The following UMODL1 variants were observed in gnomAD, a reference collection of about 807,000 sequenced individuals.
UMODL1 encodes uromodulin like 1.
In UMODL1, 128 loss-of-function variants were observed where a neutral mutation model predicts 136.3. The ratio of observed to expected loss-of-function variants is 0.94; its 90% CI spans 0.81 to 1.09. UMODL1 has a LOEUF of 1.09. UMODL1 is among the 50% of genes least tolerant of loss of function. The pLI is 0.00. For missense variants in UMODL1, 1,766 were observed against 1,725.6 expected (o/e 1.02, Z -0.41); for synonymous variants, 721 against 720.0 (o/e 1.00, Z -0.02).
upstream of UMODL1, among the ~76,000 whole-genome samples, chr21:42,066,494 C>T (rs112300879): frequency 0.038 from 5,719 of 152,264 alleles, 289 homozygotes; most frequent in African/African-American, 0.12. Flanking sequence ...CCATGTTGAC[C>T]AGGCTGGTCT....
chr21:42,119,648 C>CT (rs1270305754), intron 15 of UMODL1, among the ~76,000 whole-genome samples: 14 of 152,146 alleles, frequency 9.2e-5, no homozygotes, highest in Admixed American at 7.2e-4. Flanking sequence ...CAGCCAGACT[C>CT]TCCCCCAAGC....
chr21:42,068,415 G>A (rs952087231), upstream of UMODL1, among the ~76,000 whole-genome samples: 10 of 152,174 alleles, frequency 6.6e-5, no homozygotes, highest in African/African-American at 2.4e-4. The surrounding 1 kb of genome is among the most constrained non-coding windows in gnomAD (Gnocchi z 5.5). Context: ...CACCGCCGCT[G>A]TCAGAGAGCC....
intron 19 of UMODL1, 125 bp from the exon 20 acceptor site, chr21:42,127,547 C>T: frequency 3.3e-6 from 4 of 1,199,712 alleles, no homozygotes; most frequent in South Asian, 1.6e-5. Flanking sequence ...GTGCCCGGTC[C>T]TCGACTTCCA....
Position 42,137,625 on chromosome 21 carries a change from C to G in UMODL1, c.*5C>G. On this transcript the variant is annotated 3_prime_UTR_variant, in exon 22 of 23. Coordinates refer to ENST00000408910, the MANE Select transcript of UMODL1 (RefSeq NM_001004416.3). ...TACCAGGTGTTCTACGAATAGGAGG[C>G]GCAGGCTGACAGGAAGGTGGGTGCG... The G allele has an allele frequency of 6.2e-7, 1 of 1,602,668 alleles. No individual in the cohort carries two copies. Among genetic ancestry groups the G allele is most frequent in the Non-Finnish European group, 8.5e-7 (1 of 1,174,236 alleles).
chr21:42,103,875 G>A lies in UMODL1; in HGVS notation c.1307G>A (p.Ser436Asn), dbSNP rs1183069359. 14 of 1,614,070 alleles carry A rather than the reference G, an allele frequency of 8.7e-6. No homozygotes were observed. The highest frequency in any genetic ancestry group is 1.1e-5 in the Non-Finnish European group (13 of 1,180,042). ...TTGCCTCTTCTTGGCTAGGTCGAGA[G>A]CTCCTTCCCACCAGTGGTGTCTGAC... ...FSRQLLHEVE[S>N]SFPPVVSDLY... Residue 436 changes from serine (S) to asparagine (N), a missense_variant, in exon 9 of 23, where the codon AGC becomes AAC. Ser to Asn is a conservative substitution (Grantham distance 46, BLOSUM62 1). Transcript: ENST00000408910.
chr21:42,109,448 T>G, intron 9 of UMODL1, 114 bp from the exon 10 acceptor site: 1 of 1,464,532 alleles, frequency 6.8e-7, no homozygotes, highest in Non-Finnish European at 9.3e-7. Context: ...ATGCCCCTGC[T>G]CCCGGCCGTT....
intron 2 of UMODL1, among the ~76,000 whole-genome samples, chr21:42,080,690 G>A (rs1024436092): frequency 2.0e-5 from 3 of 152,222 alleles, no homozygotes; most frequent in African/African-American, 7.2e-5. Flanking sequence ...ACAGGAGGAG[G>A]AAACGATCCC....
Position 42,115,879 on chromosome 21 carries a change from G to T in UMODL1, c.2369G>T (p.Arg790Leu). Residue 790 changes from arginine (R) to leucine (L), a missense_variant, in exon 14 of 23, where the codon CGG becomes CTG. By Grantham distance (102) the Arg-to-Leu change is moderately radical. Coordinates refer to ENST00000408910, the MANE Select transcript of UMODL1 (RefSeq NM_001004416.3). The part of the protein sequence containing the change: ...RAHLKVRTAA[R>L]KLIGKVRIKN... ...CTTATCCTCCATCCTGCAGCAGCCC[G>T]GAAGCTCATTGGAAAGGTCAGAATC... 1 of 1,613,760 alleles carries T rather than the reference G, an allele frequency of 6.2e-7. No homozygotes were observed. Among genetic ancestry groups the T allele is most frequent in the Non-Finnish European group, 8.5e-7 (1 of 1,179,784 alleles).
At chr21:42,114,917 G>A (rs1439295951) in intron 13 of UMODL1, among the ~76,000 whole-genome samples, 1 of 152,222 alleles carries the variant, frequency 6.6e-6, no homozygotes, top group East Asian at 1.9e-4. Flanking sequence ...CTGTGCACCT[G>A]TCCTGCTACT....
At chr21:42,092,392 T>G (rs1025072492) in intron 6 of UMODL1, among the ~76,000 whole-genome samples, 1 of 119,152 alleles carries the variant, frequency 8.4e-6, no homozygotes, top group Non-Finnish European at 1.9e-5. Flanking sequence ...AGGGTTTTTT[T>G]GTTTTTTTTT....
intron 11 of UMODL1, 145 bp downstream of exon 11, chr21:42,111,266 A>G (rs767407638): frequency 1.4e-6 from 2 of 1,416,620 alleles, no homozygotes. Context: ...CAGCCAGGGG[A>G]GCCCCAGCCA....
At chr21:42,127,856 C>T (rs771363690) in intron 20 of UMODL1, 25 bp downstream of exon 20, 56 of 1,608,372 alleles carry the variant, frequency 3.5e-5, no homozygotes, top group Admixed American at 1.2e-4. Context: ...GTTTTCTAAA[C>T]GTTTGGTTGG....
At chr21:42,078,696 CGGGG>C (rs2146426888) in intron 2 of UMODL1, among the ~76,000 whole-genome samples, 2 of 76,794 alleles carry the variant, frequency 2.6e-5, no homozygotes, top group South Asian at 3.7e-4. Flanking sequence ...AGAAACCAGG[CGGGG>C]CCAGCTGACC....
intron 9 of UMODL1, 63 bp downstream of exon 9, chr21:42,104,150 T>TCAAA: frequency 6.8e-7 from 1 of 1,479,508 alleles, no homozygotes; most frequent in African/African-American, 1.4e-5. Context: ...TCTTGGTGAC[T>TCAAA]TTATTTGAGT....
At chr21:42,097,901 TG>T (rs2066577247) in intron 6 of UMODL1, among the ~76,000 whole-genome samples, 1 of 152,174 alleles carries the variant, frequency 6.6e-6, no homozygotes, top group Non-Finnish European at 1.5e-5. Flanking sequence ...CTCTGAGGCA[TG>T]GATTTCAATA....
intron 5 of UMODL1, among the ~76,000 whole-genome samples, chr21:42,088,850 T>C (rs1241280349): frequency 6.6e-6 from 1 of 152,092 alleles, no homozygotes; most frequent in Non-Finnish European, 1.5e-5. Context: ...AAAGAACTTG[T>C]TTCTTCATTT....
chr21:42,110,943 T>G lies in UMODL1; in HGVS notation c.1721T>G (p.Leu574Arg), dbSNP rs758981404. 1 of 1,613,126 alleles carries G rather than the reference T, an allele frequency of 6.2e-7. No individual in the cohort carries two copies. Among genetic ancestry groups the G allele is most frequent in the Non-Finnish European group, 8.5e-7 (1 of 1,179,828 alleles). ...SAATGVTVPG[L>R]GTGTAALGLE... ...GCAACAGGGGTAACGGTCCCAGGTC[T>G]TGGCACGGGAACAGCAGCCCTCGGC... The change falls in exon 11 of 23, where the codon CTT (leucine) becomes CGT (arginine). Residue 574 changes from leucine (L) to arginine (R), a missense_variant. Physicochemically the swap from Leu to Arg is moderately radical, Grantham distance 102. Transcript: ENST00000408910.
Position 42,122,817 on chromosome 21 carries a change from C to G in UMODL1, c.2828-14C>G. The G allele has an allele frequency of 6.3e-7, 1 of 1,577,188 alleles. No homozygotes were observed. Among genetic ancestry groups the G allele is most frequent in the Non-Finnish European group, 8.6e-7 (1 of 1,160,052 alleles). On this transcript the variant is annotated splice_polypyrimidine_tract_variant and intron_variant, in intron 16 of 22. Coordinates refer to ENST00000408910, the MANE Select transcript of UMODL1 (RefSeq NM_001004416.3). This position sits in a 1 kb window ranked among gnomAD's most constrained non-coding sequence, Gnocchi z 4.3. Reference sequence around the variant, plus strand: ...CAGAGCCACTCTTTGCCTTTTCCTCCTTGTGCCTTGCAGGTGACTCTCCTG... The same window carrying G: ...CAGAGCCACTCTTTGCCTTTTCCTCGTTGTGCCTTGCAGGTGACTCTCCTG...
intron 2 of UMODL1, among the ~76,000 whole-genome samples, chr21:42,082,914 C>T (rs913210311): frequency 4.4e-4 from 12 of 27,296 alleles, no homozygotes; most frequent in African/African-American, 1.8e-3. Flanking sequence ...TTTCTGAGAC[C>T]TCTATAAGCC....
Sources: gnomAD v4.1 joint callset for allele counts (sites outside exome capture counted in the v4.1 genomes callset) on GRCh38, gnomAD v4.1.1 for gene constraint, Gnocchi (gnomAD v3.1) non-coding constraint, MANE v1.5 for transcripts, NCBI Gene and HGNC (gene_info 2026-07-23, HGNC 2026-07-21) for gene names.